Variants in ALG9 observed in about 807,000 individuals in gnomAD.
The protein encoded by ALG9 is ALG9 alpha-1,2-mannosyltransferase, also known as alpha-1,2-mannosyltransferase ALG9.
In ALG9, 55 loss-of-function variants were observed where a neutral mutation model predicts 81.8. The ratio of observed to expected loss-of-function variants is 0.67; its 90% CI spans 0.54 to 0.84. ALG9 has a LOEUF of 0.84. Ranked by LOEUF, ALG9 falls within the 40% of genes least tolerant of loss-of-function variation. ALG9 has a pLI of 0.00. For missense variants in ALG9, 629 were observed against 745.0 expected, an observed-to-expected ratio of 0.84 and a Z score of 1.81; for synonymous variants, 278 against 274.3, an observed-to-expected ratio of 1.01 and a Z score of -0.13.
At chr11:111,836,517 T>C (rs1473144277) in intron 12 of ALG9, among the ~76,000 whole-genome samples, 2 of 152,328 alleles carry the variant, frequency 1.3e-5, no homozygotes, top group South Asian at 2.1e-4. Context: ...TCACCAACTG[T>C]TAGCAGTGAA....
chr11:111,851,407 A>G (rs1592287853), intron 8 of ALG9, among the ~76,000 whole-genome samples: 1 of 147,456 alleles, frequency 6.8e-6, no homozygotes, highest in Non-Finnish European at 1.5e-5. Context: ...TGAACCCAGG[A>G]GGGGAGGTTG....
At chr11:111,802,237 A>G (rs1249303648) in intron 14 of ALG9, among the ~76,000 whole-genome samples, 1 of 152,222 alleles carries the variant, frequency 6.6e-6, no homozygotes, top group Non-Finnish European at 1.5e-5. Context: ...CCAAGCCCCT[A>G]CACAAAGATG....
At chr11:111,816,256 A>G (rs948124795) in intron 13 of ALG9, among the ~76,000 whole-genome samples, 1 of 152,238 alleles carries the variant, frequency 6.6e-6, no homozygotes, top group South Asian at 2.1e-4. Context: ...AGCATTTATT[A>G]AGTATCTATT....
intron 6 of ALG9, among the ~76,000 whole-genome samples, chr11:111,855,185 T>G (rs1232594972): frequency 5.9e-5 from 9 of 152,232 alleles, no homozygotes; most frequent in African/African-American, 2.2e-4. Context: ...GCAGGCCACA[T>G]ATGTTCTCTG....
intron 4 of ALG9, 118 bp from the exon 5 acceptor site, chr11:111,860,753 C>T: frequency 2.7e-6 from 2 of 747,910 alleles, no homozygotes; most frequent in Admixed American, 5.1e-5. Flanking sequence ...CACAAAACTA[C>T]CTTGTCAGGT....
chr11:111,826,279 G>C (rs1453325690), intron 13 of ALG9, among the ~76,000 whole-genome samples: 2 of 151,406 alleles, frequency 1.3e-5, no homozygotes, highest in South Asian at 2.1e-4. Flanking sequence ...CCAGCTACTT[G>C]AGAGGCTGAG....
At chr11:111,807,800 A>T (rs635148) in intron 14 of ALG9, among the ~76,000 whole-genome samples, 57,505 of 152,044 alleles carry the variant, frequency 0.38, 11,144 homozygotes, top group East Asian at 0.59. Context: ...CAAAAAAAAA[A>T]TTTTTTGTTA....
At position 111,786,202 on chromosome 11, in the gene ALG9, G is replaced by A; in HGVS notation, c.*195C>T. The stretch of plus-strand genomic sequence containing the variant: ...CTGCAAAAAGTTTACATGCAGAACA[G>A]AGACACACACAGGGAGCAAATGTGA... On this transcript the variant is annotated 3_prime_UTR_variant, in exon 15 of 15. Transcript: ENST00000616540. 1.2e-6 allele frequency: 1 copy of A among 820,030 alleles called. No individual in the cohort carries two copies. The highest frequency in any genetic ancestry group is 2.0e-6 in the Non-Finnish European group (1 of 494,704). The allele number at this position is 820,030 out of a possible 1,614,324, so 50.8% of individuals were successfully genotyped here. A position where few individuals can be genotyped will look rare whatever the true frequency, so the allele number is the denominator to read the frequency against.
In ALG9 at chr11:111,850,222, G is replaced by C. The variant is rs533603586; in HGVS notation, c.895+3158C>G. 5.9e-5 allele frequency among the ~76,000 whole-genome samples: 9 copies of C among 152,252 alleles called. No individual in the cohort carries two copies. In the East Asian group the frequency reaches 1.7e-3, roughly 29 times the overall value. Reference sequence around the variant, plus strand: ...TAGCACCACAACAGGTCTAACTAAAGTGATTCTATGATACAACTGTAAATG... The same window carrying C: ...TAGCACCACAACAGGTCTAACTAAACTGATTCTATGATACAACTGTAAATG... On this transcript the variant is annotated intron_variant, in intron 8 of 14. Coordinates refer to ENST00000616540, the MANE Select transcript of ALG9 (RefSeq NM_024740.2).
intron 14 of ALG9, 35 bp downstream of exon 14, chr11:111,809,608 G>C (rs1950411727): frequency 1.2e-6 from 2 of 1,612,858 alleles, no homozygotes; most frequent in East Asian, 4.5e-5. Context: ...ACCCATACTA[G>C]TCCTGGAATA....
rs907839150 is a variant in ALG9 at position 111,865,610 on chromosome 11, T to C, written c.406-359A>G. On this transcript the variant is annotated intron_variant, in intron 3 of 14. Transcript: ENST00000616540. The stretch of plus-strand genomic sequence containing the variant: ...CTATTAAAATTTATGTTTACAAAGA[T>C]AGTGAAAACATTCTTGCAATATAAT... 4.6e-5 allele frequency among the ~76,000 whole-genome samples: 7 copies of C among 152,248 alleles called. No homozygotes were observed. The East Asian group carries it at 5.8e-4, about 13-fold the overall frequency.
At chr11:111,850,633 G>T (rs1555136778) in intron 8 of ALG9, among the ~76,000 whole-genome samples, 1 of 145,346 alleles carries the variant, frequency 6.9e-6, no homozygotes, top group African/African-American at 2.6e-5. Flanking sequence ...CTTGAATCCG[G>T]GAGGCAGAGG....
At chr11:111,789,064 A>C (rs1385362149) in intron 14 of ALG9, among the ~76,000 whole-genome samples, 1 of 151,738 alleles carries the variant, frequency 6.6e-6, no homozygotes, top group Non-Finnish European at 1.5e-5. Flanking sequence ...GCTGGCCTTG[A>C]ACTCCTGGGC....
rs7109659 is a variant in ALG9 at position 111,815,096 on chromosome 11, G to A, written c.1603-5323C>T. Among the ~76,000 whole-genome samples, 1,272 of 152,210 alleles carry A rather than the reference G, an allele frequency of 8.4e-3. 15 individuals are homozygous for A. Among genetic ancestry groups the A allele is most frequent in the African/African-American group, 0.029 (1,212 of 41,506 alleles). On this transcript the variant is annotated intron_variant, in intron 13 of 14. Transcript: ENST00000616540. ...ACAAGGCCTACCAGGGATGTGGGTG[G>A]TAACTAATTAATATGCAACTGTATC...
intron 13 of ALG9, among the ~76,000 whole-genome samples, chr11:111,821,476 C>T (rs782265172): frequency 1.2e-4 from 18 of 152,132 alleles, no homozygotes; most frequent in Non-Finnish European, 2.5e-4. Flanking sequence ...CTTCTTTTCC[C>T]AATGACTCCG....
chr11:111,848,545 A>T (rs1555133158), intron 8 of ALG9, among the ~76,000 whole-genome samples: 1 of 140,442 alleles, frequency 7.1e-6, no homozygotes, highest in South Asian at 2.2e-4. Context: ...AGTCGAGGTC[A>T]CCCCACTGCA....
At chr11:111,779,948 G>T (rs1197308696), downstream of ALG9, among the ~76,000 whole-genome samples, 2 of 152,190 alleles carry the variant, frequency 1.3e-5, no homozygotes, top group Admixed American at 6.5e-5. Context: ...TCACGTGTTG[G>T]TTATCATTTG....
At chr11:111,867,901 G>A (rs1338782099) in intron 3 of ALG9, among the ~76,000 whole-genome samples, 1 of 151,960 alleles carries the variant, frequency 6.6e-6, no homozygotes, top group Non-Finnish European at 1.5e-5. Flanking sequence ...CCTTGTTACC[G>A]CCAAGTGGAG....
chr11:111,840,568 G>GCA, intron 10 of ALG9, 87 bp downstream of exon 10: 1 of 1,473,012 alleles, frequency 6.8e-7, no homozygotes, highest in Non-Finnish European at 9.5e-7. Context: ...TTAGGTGGAA[G>GCA]CATTCTGTAA....
Sources: allele counts gnomAD v4.1 joint callset (sites outside exome capture counted in the v4.1 genomes callset), GRCh38; gene constraint gnomAD v4.1.1; transcripts MANE v1.5; gene names NCBI Gene and HGNC (gene_info 2026-07-23, HGNC 2026-07-21).